The following FMN1 variants were observed in gnomAD, a reference collection of about 807,000 sequenced individuals.
The protein encoded by FMN1 is formin 1, also known as formin-1.
A neutral mutation model predicts 132.4 loss-of-function variants in FMN1; 110 were observed. The ratio of observed to expected loss-of-function variants is 0.83; its 90% CI spans 0.71 to 0.97. The LOEUF (loss-of-function observed/expected upper bound fraction) is 0.97. Among genes scored for constraint, FMN1 ranks in the 50% least tolerant of loss-of-function variants. FMN1 has a pLI of 0.00. For synonymous variants in FMN1, 722 were observed against 651.7 expected (o/e 1.11, Z -1.64); for missense variants, 1,792 against 1,705.3 (o/e 1.05, Z -0.90).
At chr15:32,862,920 C>G (rs977704222) in intron 16 of FMN1, among the ~76,000 whole-genome samples, 1 of 152,212 alleles carries the variant, frequency 6.6e-6, no homozygotes, top group Admixed American at 6.5e-5. Context: ...CACAGTCCTG[C>G]GCCAGTTCTG....
At chr15:33,126,428 G>A (rs749745810) in intron 4 of FMN1, among the ~76,000 whole-genome samples, 6 of 152,076 alleles carry the variant, frequency 3.9e-5, no homozygotes, top group African/African-American at 1.4e-4. Flanking sequence ...AGGGTGAGAG[G>A]AGAAGGTGGG....
intron 16 of FMN1, among the ~76,000 whole-genome samples, chr15:32,883,930 A>G (rs1460247391): frequency 6.6e-6 from 1 of 152,204 alleles, no homozygotes; most frequent in East Asian, 1.9e-4. Flanking sequence ...TTATTTGATC[A>G]TAGACTCTTT....
chr15:32,961,805 G>A (rs972039881), intron 9 of FMN1, among the ~76,000 whole-genome samples: 20 of 152,156 alleles, frequency 1.3e-4, no homozygotes, highest in African/African-American at 3.9e-4. Flanking sequence ...ACCTAGTACC[G>A]TTGCCTCAGA....
intron 6 of FMN1, among the ~76,000 whole-genome samples, chr15:33,013,929 G>A (rs2034886141): frequency 6.6e-6 from 1 of 152,198 alleles, no homozygotes; most frequent in Non-Finnish European, 1.5e-5. Context: ...TACCTATATG[G>A]GTGTGACAGA....
At chr15:33,060,011 C>G (rs1164383450) in intron 6 of FMN1, among the ~76,000 whole-genome samples, 1 of 152,220 alleles carries the variant, frequency 6.6e-6, no homozygotes, top group Admixed American at 6.5e-5. Flanking sequence ...AAGCTTAGCA[C>G]AATACACTTC....
intron 17 of FMN1, among the ~76,000 whole-genome samples, chr15:32,838,489 T>G (rs1211980726): frequency 6.6e-6 from 1 of 151,942 alleles, no homozygotes; most frequent in Non-Finnish European, 1.5e-5. Flanking sequence ...AATGCTCAAG[T>G]AAACACAAAC....
chr15:33,004,463 A>G (rs1300745233), intron 7 of FMN1, among the ~76,000 whole-genome samples: 2 of 152,258 alleles, frequency 1.3e-5, no homozygotes, highest in Non-Finnish European at 2.9e-5. Context: ...TGGCCATCAG[A>G]GAAATGCAAA....
At chr15:33,054,430 T>G (rs1364736753) in intron 6 of FMN1, among the ~76,000 whole-genome samples, 1 of 152,194 alleles carries the variant, frequency 6.6e-6, no homozygotes, top group Non-Finnish European at 1.5e-5. Context: ...ATCATTTCAT[T>G]TTTACATGGG....
At position 33,018,793 on chromosome 15, in the gene FMN1, T is replaced by G. The variant is rs191548677; in HGVS notation, c.2162-10718A>C. Among the ~76,000 whole-genome samples, 93 of 152,320 alleles carry G rather than the reference T, an allele frequency of 6.1e-4. No individual in the cohort carries two copies. In the East Asian group the frequency reaches 0.016, roughly 26 times the overall value. ...TCGGAGTTTCTCCCTTCTGGTGGGC[T>G]GGTGGTCTCGCTGGCTTCAGTGAAT... On this transcript the variant is annotated intron_variant, in intron 6 of 20. Transcript: ENST00000616417.
chr15:32,866,080 G>C (rs961957936), intron 16 of FMN1, among the ~76,000 whole-genome samples: 5 of 151,690 alleles, frequency 3.3e-5, no homozygotes, highest in Non-Finnish European at 5.9e-5. Context: ...GCCTGTTGTG[G>C]GGTGGCGGGA....
At chr15:32,940,181 A>T (rs1393733113) in intron 9 of FMN1, among the ~76,000 whole-genome samples, 1 of 152,178 alleles carries the variant, frequency 6.6e-6, no homozygotes, top group Non-Finnish European at 1.5e-5. Context: ...CTGAGCTTTC[A>T]TGAATGACCT....
chr15:32,778,430 G>T (rs79839833), intron 19 of FMN1, among the ~76,000 whole-genome samples: 22,406 of 151,442 alleles, frequency 0.15, 1,751 homozygotes, highest in Middle Eastern at 0.2. Context: ...CTGGAACACA[G>T]AAAGAACTCT....
At chr15:33,033,275 C>A (rs1468648292) in intron 6 of FMN1, among the ~76,000 whole-genome samples, 1 of 152,180 alleles carries the variant, frequency 6.6e-6, no homozygotes, top group Non-Finnish European at 1.5e-5. Context: ...TGTGATCCGC[C>A]CACCTCAGCC....
intron 19 of FMN1, among the ~76,000 whole-genome samples, chr15:32,787,537 C>A (rs1262943479): frequency 6.6e-6 from 1 of 152,196 alleles, no homozygotes; most frequent in Admixed American, 6.5e-5. Context: ...TAGCTCCTAA[C>A]ACACCAGAAT....
At chr15:32,921,116 T>TGAAG (rs1265030992) in intron 10 of FMN1, among the ~76,000 whole-genome samples, 2 of 152,094 alleles carry the variant, frequency 1.3e-5, no homozygotes, top group African/African-American at 4.8e-5. Flanking sequence ...TTAGTTGCTG[T>TGAAG]GAAGGAAATA....
chr15:32,982,353 T>C (rs559450200), intron 7 of FMN1, among the ~76,000 whole-genome samples: 1 of 152,208 alleles, frequency 6.6e-6, no homozygotes, highest in Admixed American at 6.5e-5. Flanking sequence ...GAAAGCAGTT[T>C]GGCCATTTCT....
chr15:32,922,360 A>C (rs2060850074), intron 10 of FMN1, among the ~76,000 whole-genome samples: 1 of 152,216 alleles, frequency 6.6e-6, no homozygotes, highest in Non-Finnish European at 1.5e-5. Flanking sequence ...CGAACACTTG[A>C]ATATATGACT....
At chr15:33,055,193 G>C (rs991737423) in intron 6 of FMN1, among the ~76,000 whole-genome samples, 2 of 151,970 alleles carry the variant, frequency 1.3e-5, no homozygotes, top group Middle Eastern at 3.2e-3. Flanking sequence ...TAAAACCTTG[G>C]TCTCCACAAC....
At chr15:32,838,022 A>C (rs983951260) in intron 17 of FMN1, among the ~76,000 whole-genome samples, 2 of 152,096 alleles carry the variant, frequency 1.3e-5, no homozygotes, top group Non-Finnish European at 2.9e-5. Flanking sequence ...AGGTTTTAGG[A>C]GGCTGAGGTG....
Sources: allele counts gnomAD v4.1 joint callset (sites outside exome capture counted in the v4.1 genomes callset), GRCh38; gene constraint gnomAD v4.1.1; transcripts MANE v1.5; gene names NCBI Gene and HGNC (gene_info 2026-07-23, HGNC 2026-07-21).